NR3C2: variants seen among roughly 807,000 people sequenced by gnomAD.
NR3C2 encodes the protein nuclear receptor subfamily 3 group C member 2, also known as mineralocorticoid receptor.
A neutral mutation model predicts 86.4 loss-of-function variants in NR3C2; 15 were observed. That is an observed-to-expected ratio of 0.17 (90% CI 0.12 to 0.27). NR3C2 has a LOEUF of 0.27. NR3C2 is among the 10% of genes least tolerant of loss of function. The probability of loss-of-function intolerance (pLI) is 1.00; values close to 1 mark genes in which losing one functional copy is unlikely to be tolerated. For synonymous variants in NR3C2, 458 were observed against 450.5 expected (o/e 1.02, Z -0.21); for missense variants, 960 against 1,195.6 (o/e 0.80, Z 2.91).
intron 3 of NR3C2, among the ~76,000 whole-genome samples, chr4:148,228,398 T>C (rs1341486304): frequency 2.6e-5 from 4 of 152,322 alleles, no homozygotes; most frequent in East Asian, 3.9e-4. Flanking sequence ...ATTGTGTGGA[T>C]GTACTATGGT....
chr4:148,290,576 AAAC>A (rs1393104297), intron 2 of NR3C2, among the ~76,000 whole-genome samples: 1 of 152,316 alleles, frequency 6.6e-6, no homozygotes, highest in East Asian at 1.9e-4. Context: ...GCCCAGGAAA[AAAC>A]AACTTTATTA....
At chr4:148,166,690 GC>G (rs1560956165) in intron 4 of NR3C2, among the ~76,000 whole-genome samples, 2 of 151,976 alleles carry the variant, frequency 1.3e-5, no homozygotes, top group African/African-American at 4.8e-5. Flanking sequence ...CTGAAAATAA[GC>G]TTTTGGGGAA....
chr4:148,382,749 A>G lies in NR3C2; in HGVS notation c.1757+52355T>C, dbSNP rs147850989. On this transcript the variant is annotated intron_variant, in intron 2 of 8. Coordinates refer to ENST00000358102, the MANE Select transcript of NR3C2 (RefSeq NM_000901.5). ...ATTTAATACTGAGTTTTACAACACA[A>G]TCTATGTGTAGGTTACCTACTGTCA... Among the ~76,000 whole-genome samples the G allele has an allele frequency of 3.0e-3, 452 of 152,332 alleles. 3 individuals are homozygous for G. Among genetic ancestry groups the G allele is most frequent in the African/African-American group, 0.01 (420 of 41,590 alleles).
chr4:148,212,587 G>A (rs538815713), intron 3 of NR3C2, among the ~76,000 whole-genome samples: 1 of 152,066 alleles, frequency 6.6e-6, no homozygotes, highest in Admixed American at 6.5e-5. Flanking sequence ...GTCCCAGAGG[G>A]GTCATTAGCC....
At chr4:148,213,225 CAT>C (rs1737367852) in intron 3 of NR3C2, among the ~76,000 whole-genome samples, 1 of 151,752 alleles carries the variant, frequency 6.6e-6, no homozygotes, top group Admixed American at 6.6e-5. Context: ...GTGCCTTCTA[CAT>C]ATGACTCAGG....
intron 2 of NR3C2, among the ~76,000 whole-genome samples, chr4:148,401,446 CTGATAAAGT>C (rs1748155870): frequency 6.8e-6 from 1 of 147,298 alleles, no homozygotes; most frequent in African/African-American, 2.5e-5. Context: ...CTAAAGACTT[CTGATAAAGT>C]TGTCTCTTTT....
intron 2 of NR3C2, among the ~76,000 whole-genome samples, chr4:148,418,671 A>G (rs1442733774): frequency 2.0e-5 from 3 of 152,220 alleles, no homozygotes; most frequent in African/African-American, 4.8e-5. Flanking sequence ...TTTAATTGAA[A>G]CTAATAACAA....
At chr4:148,417,192 T>C (rs1749055236) in intron 2 of NR3C2, among the ~76,000 whole-genome samples, 2 of 152,212 alleles carry the variant, frequency 1.3e-5, no homozygotes, top group Non-Finnish European at 2.9e-5. Context: ...TATGGAGATA[T>C]CAACCTACTC....
intron 6 of NR3C2, among the ~76,000 whole-genome samples, chr4:148,137,732 C>A (rs1733411701): frequency 1.3e-5 from 2 of 152,126 alleles, no homozygotes; most frequent in African/African-American, 4.8e-5. Flanking sequence ...AGGAGTCTGT[C>A]AGATCCTCTT....
intron 2 of NR3C2, among the ~76,000 whole-genome samples, chr4:148,283,974 T>C (rs4087965): frequency 0.98 from 149,906 of 152,260 alleles, 73,835 homozygotes; most frequent in East Asian, 1. Flanking sequence ...TATCATATAC[T>C]AATTCGATTC....
At chr4:148,341,199 T>C (rs1032298544) in intron 2 of NR3C2, among the ~76,000 whole-genome samples, 1 of 152,162 alleles carries the variant, frequency 6.6e-6, no homozygotes, top group Admixed American at 6.6e-5. Flanking sequence ...ATAGCCGTGA[T>C]ACGTAATCAA....
intron 2 of NR3C2, among the ~76,000 whole-genome samples, chr4:148,350,812 A>G (rs1745236237): frequency 1.3e-5 from 2 of 152,152 alleles, no homozygotes; most frequent in South Asian, 4.1e-4. Context: ...ATTGTTCAAT[A>G]AATGTTTATT....
intron 2 of NR3C2, among the ~76,000 whole-genome samples, chr4:148,304,033 G>C (rs1016484005): frequency 2.0e-5 from 3 of 152,166 alleles, no homozygotes; most frequent in Non-Finnish European, 4.4e-5. Context: ...GGGTATTCAA[G>C]GGGAAGAGAA....
intron 4 of NR3C2, among the ~76,000 whole-genome samples, chr4:148,174,464 G>A (rs1394063793): frequency 6.6e-6 from 1 of 152,170 alleles, no homozygotes; most frequent in South Asian, 2.1e-4. Context: ...AAACAGAATG[G>A]TGAACACATC....
chr4:148,361,438 A>G (rs576368458), intron 2 of NR3C2, among the ~76,000 whole-genome samples: 2 of 152,374 alleles, frequency 1.3e-5, no homozygotes, highest in East Asian at 3.9e-4. Context: ...TGAAGAAGCC[A>G]AAGAATGAGA....
At chr4:148,219,410 T>C (rs536770782) in intron 3 of NR3C2, among the ~76,000 whole-genome samples, 1 of 152,338 alleles carries the variant, frequency 6.6e-6, no homozygotes, top group East Asian at 1.9e-4. Flanking sequence ...TAAAATTAAA[T>C]GATCTTTCAT....
intron 4 of NR3C2, among the ~76,000 whole-genome samples, chr4:148,161,310 T>TC (rs1734648978): frequency 6.6e-6 from 1 of 152,148 alleles, no homozygotes; most frequent in Admixed American, 6.5e-5. Flanking sequence ...CAACCTCTGA[T>TC]CACTTTAAAA....
chr4:148,225,846 C>T lies in NR3C2; in HGVS notation c.1898-30984G>A, dbSNP rs183600293. On this transcript the variant is annotated intron_variant, in intron 3 of 8. Transcript: ENST00000358102. ...TAATGTTTTCACACTCTTACTCAAA[C>T]ATCTGGCACTCGACTGTATCACTCA... Among the ~76,000 whole-genome samples, 21 of 152,258 alleles carry T rather than the reference C, an allele frequency of 1.4e-4. No homozygotes were observed. The East Asian group carries it at 4.0e-3, about 29-fold the overall frequency.
chr4:148,387,808 T>A (rs1021372335), intron 2 of NR3C2, among the ~76,000 whole-genome samples: 1 of 152,210 alleles, frequency 6.6e-6, no homozygotes, highest in Non-Finnish European at 1.5e-5. Context: ...CATGTTGTTT[T>A]CCCAGAAGGA....
Sources: allele counts gnomAD v4.1 joint callset (sites outside exome capture counted in the v4.1 genomes callset), GRCh38; gene constraint gnomAD v4.1.1; transcripts MANE v1.5; gene names NCBI Gene and HGNC (gene_info 2026-07-23, HGNC 2026-07-21).